Variants in MAZ observed in about 807,000 individuals in gnomAD.
MAZ encodes the protein MYC associated zinc finger protein.
Under a neutral mutation model 32.7 loss-of-function variants are expected in MAZ, and 4 were observed. That is an observed-to-expected ratio of 0.12 (90% confidence interval 0.06 to 0.28). The LOEUF (loss-of-function observed/expected upper bound fraction) is 0.28. Ranked by LOEUF, MAZ falls within the 10% of genes least tolerant of loss-of-function variation. The pLI, the probability that MAZ is intolerant of heterozygous loss-of-function variation, is 1.00. For synonymous variants in MAZ, 510 were observed against 297.6 expected (o/e 1.71, Z -7.35); for missense variants, 763 against 667.2 (o/e 1.14, Z -1.58).
intron 3 of MAZ, 44 bp downstream of exon 3, chr16:29,808,337 T>C (rs777413634): frequency 6.4e-6 from 10 of 1,572,526 alleles, no homozygotes; most frequent in Non-Finnish European, 6.1e-6. Flanking sequence ...ATGATTTTGA[T>C]CCTCATGGTA....
Position 29,807,382 on chromosome 16 carries a change from C to T in MAZ, c.597C>T (p.Phe199=), listed in dbSNP as rs756701023. ...TCTGCGCTCTGTGCGCCAAGGAGTTCAAGAACGGCTACAATCTCCGGAGGC... is the reference window on the plus strand; with the variant it reads ...TCTGCGCTCTGTGCGCCAAGGAGTTTAAGAACGGCTACAATCTCCGGAGGC... ...PYICALCAKE[F]KNGYNLRRHE... is the part of the protein sequence containing the mutation. Residue 199 remains phenylalanine (F), a synonymous_variant, in exon 2 of 5, where the codon TTC becomes TTT. Transcript: ENST00000322945. 2 of 1,612,318 alleles carry T rather than the reference C, an allele frequency of 1.2e-6. No individual in the cohort carries two copies. The highest frequency in any genetic ancestry group is 1.3e-5 in the African/African-American group (1 of 74,912).
chr16:29,807,195 C>G lies in MAZ; in HGVS notation c.410C>G (p.Pro137Arg). The change falls in exon 2 of 5, where the codon CCC becomes CGC. Residue 137 changes from proline to arginine, a missense_variant. Physicochemically the swap from Pro to Arg is moderately radical, Grantham distance 103. Coordinates refer to ENST00000322945, the MANE Select transcript of MAZ (RefSeq NM_002383.4). Reference protein sequence around the residue: ...LKQPPAPPPPPPPVSAPAAEA... With the variant: ...LKQPPAPPPPRPPVSAPAAEA... ...CAGCCTCCGGCGCCCCCTCCGCCAC[C>G]CCCGCCAGTGTCGGCGCCCGCGGCC... is the stretch of plus-strand genomic sequence containing the variant. The G allele has an allele frequency of 8.4e-7, 1 of 1,190,442 alleles. No homozygotes were observed. Among genetic ancestry groups the G allele is most frequent in the South Asian group, 3.6e-5 (1 of 28,056 alleles). 73.7% of individuals were successfully genotyped at this position (1,190,442 alleles called of 1,614,324 possible).
chr16:29,807,574 TGGCGTG>T lies in MAZ; in HGVS notation c.791_796del (p.Gly264_Val265del). On this transcript the variant is annotated inframe_deletion, in exon 2 of 5. Transcript: ENST00000322945. Reference sequence around the variant, plus strand: ...GCGGCGCTGCCGCAGTGGCCGCCGGTGGCGTGGTGACCACGACCGCCTCGGGGAAGC... The same window carrying T: ...GCGGCGCTGCCGCAGTGGCCGCCGGTGTGACCACGACCGCCTCGGGGAAGC... The T allele has an allele frequency of 6.2e-7, 1 of 1,606,824 alleles. No individual in the cohort carries two copies. The highest frequency in any genetic ancestry group is 8.5e-7 in the Non-Finnish European group (1 of 1,177,484).
chr16:29,808,170 G>C (rs752496054), intron 2 of MAZ, 60 bp from the exon 3 acceptor site: 42 of 1,437,666 alleles, frequency 2.9e-5, no homozygotes, highest in Non-Finnish European at 4.1e-5. Flanking sequence ...CCTGTGGTGC[G>C]GTTTGGTGGA....
chr16:29,810,496 G>C lies in MAZ; in HGVS notation c.*265G>C. ...CCCTGGACAGTGGGCAGGGGTGGCA[G>C]AGGACACGAGCAGCCACTGCCCGTA... On this transcript the variant is annotated 3_prime_UTR_variant, in exon 5 of 5. Transcript: ENST00000322945. The C allele has an allele frequency of 1.4e-6, 1 of 702,384 alleles. No homozygotes were observed. Among genetic ancestry groups the C allele is most frequent in the African/African-American group, 1.7e-5 (1 of 57,318 alleles). 43.5% of individuals were successfully genotyped at this position (702,384 alleles called of 1,614,324 possible).
At position 29,806,762 on chromosome 16, in the gene MAZ, TC is replaced by T; in HGVS notation, c.64del (p.Arg22GlyfsTer7). On this transcript the variant is annotated frameshift_variant, in exon 1 of 5. Transcript: ENST00000322945. LOFTEE classifies it high-confidence loss of function. The part of the protein sequence containing the change: ...APPFPVLGLD[S>X]RGVGGLMNSF... ...CCCCTTCCCCGTGCTGGGCCTGGACTCCCGGGGGGTGGGCGGCCTCATGAAC... is the reference window on the plus strand; with the variant it reads ...CCCCTTCCCCGTGCTGGGCCTGGACTCCGGGGGGTGGGCGGCCTCATGAAC... The T allele has an allele frequency of 7.0e-7, 1 of 1,431,156 alleles. No individual in the cohort carries two copies. The highest frequency in any genetic ancestry group is 9.2e-7 in the Non-Finnish European group (1 of 1,083,564). 88.7% of individuals were successfully genotyped at this position (1,431,156 alleles called of 1,614,324 possible). A position where few individuals can be genotyped will look rare whatever the true frequency, so the allele number is the denominator to read the frequency against.
At chr16:29,806,522 A>C, upstream of MAZ, 7 of 614,422 alleles carry the variant, frequency 1.1e-5, no homozygotes, top group East Asian at 1.8e-4. Context: ...GCGGCCCGCA[A>C]GGCGCCCTCT....
In MAZ at chr16:29,810,994, C is replaced by G. The variant is rs754413025; in HGVS notation, c.*763C>G. On this transcript the variant is annotated 3_prime_UTR_variant, in exon 5 of 5. Transcript: ENST00000322945. ...AATGCAGCCAGTGTCCCCCTCCCCT[C>G]TTCCACCCCAGCTCCAGCCCTGGTC... 1 of 446,642 alleles carries G rather than the reference C, an allele frequency of 2.2e-6. No individual in the cohort carries two copies. Among genetic ancestry groups the G allele is most frequent in the African/African-American group, 2.0e-5 (1 of 49,818 alleles). 27.7% of individuals were successfully genotyped at this position (446,642 alleles called of 1,614,324 possible).
chr16:29,806,882 A>G lies in MAZ; in HGVS notation c.181A>G (p.Ser61Gly). Residue 61 changes from serine to glycine, a missense_variant, in exon 1 of 5, where the codon AGT becomes GGT. Coordinates refer to ENST00000322945, the MANE Select transcript of MAZ (RefSeq NM_002383.4). ...CTTTGCCTCCCAGGGCTGCGCCCAG[A>G]GTCCATTCCAGGTGAGTAGGGCCGG... is the stretch of plus-strand genomic sequence containing the variant. ...RFFASQGCAQ[S>G]PFQAAPAPPP... 2.9e-6 allele frequency: 4 copies of G among 1,398,546 alleles called. 1 individual carries two copies. Among genetic ancestry groups the G allele is most frequent in the South Asian group, 2.7e-5 (2 of 73,998 alleles). 86.6% of individuals were successfully genotyped at this position (1,398,546 alleles called of 1,614,324 possible).
At chr16:29,809,182 C>T (rs567907592) in intron 4 of MAZ, 3 of 494,926 alleles carry the variant, frequency 6.1e-6, no homozygotes, top group South Asian at 2.9e-5. Context: ...CACCGGTTAA[C>T]TGGGTTGAGA....
In MAZ at chr16:29,808,579, G is replaced by A. The variant is rs1164072116; in HGVS notation, c.1117G>A (p.Ala373Thr). 6.2e-7 allele frequency: 1 copy of A among 1,611,200 alleles called. No individual in the cohort carries two copies. Among genetic ancestry groups the A allele is most frequent in the Admixed American group, 1.7e-5 (1 of 59,664 alleles). ...ERPFKCEKCE[A>T]AFATKDRLRA... ...CCTCCCCCCTCCTCAGAAATGTGAGGCAGCTTTCGCCACGAAGGATCGGCT... is the reference window on the plus strand; with the variant it reads ...CCTCCCCCCTCCTCAGAAATGTGAGACAGCTTTCGCCACGAAGGATCGGCT... Residue 373 changes from alanine to threonine, a missense_variant, in exon 4 of 5, where the codon GCA becomes ACA. Physicochemically the swap from Ala to Thr is moderately conservative, Grantham distance 58 (BLOSUM62 0). Coordinates refer to ENST00000322945, the MANE Select transcript of MAZ (RefSeq NM_002383.4).
intron 4 of MAZ, chr16:29,809,237 G>A: frequency 1.9e-6 from 1 of 530,054 alleles, no homozygotes; most frequent in Non-Finnish European, 3.3e-6. Context: ...CTCTGCTGAG[G>A]GTCAACCCTG....
rs569174270 is a variant in MAZ at position 29,811,055 on chromosome 16, G to T, written c.*824G>T. 1 of 455,232 alleles carries T rather than the reference G, an allele frequency of 2.2e-6. No individual in the cohort carries two copies. Among genetic ancestry groups the T allele is most frequent in the East Asian group, 7.0e-5 (1 of 14,370 alleles). The allele number at this position is 455,232 out of a possible 1,614,324, so 28.2% of individuals were successfully genotyped here. A position where few individuals can be genotyped will look rare whatever the true frequency, so the allele number is the denominator to read the frequency against. On this transcript the variant is annotated 3_prime_UTR_variant, in exon 5 of 5. Transcript: ENST00000322945. ...ATCCCTCTTCCCCACGACAGAAGAAGTTGTGGCCCTGGCCATGTCATCGTG... is the reference window on the plus strand; with the variant it reads ...ATCCCTCTTCCCCACGACAGAAGAATTTGTGGCCCTGGCCATGTCATCGTG...
chr16:29,808,200 G>A (rs745769789), intron 2 of MAZ, 30 bp from the exon 3 acceptor site: 37 of 1,603,854 alleles, frequency 2.3e-5, no homozygotes, highest in Non-Finnish European at 3.1e-5. Flanking sequence ...CACCACCTCC[G>A]CCCTAACCCC....
chr16:29,808,034 A>C, intron 2 of MAZ, 196 bp from the exon 3 acceptor site: 1 of 1,104,732 alleles, frequency 9.1e-7, no homozygotes, highest in Non-Finnish European at 1.3e-6. Context: ...GGGTTGACGG[A>C]AGCTTCGCGT....
chr16:29,807,194 C>T lies in MAZ; in HGVS notation c.409C>T (p.Pro137Ser). ...GCAGCCTCCGGCGCCCCCTCCGCCA[C>T]CCCCGCCAGTGTCGGCGCCCGCGGC... The part of the protein sequence containing the change: ...LKQPPAPPPP[P>S]PPVSAPAAEA... Residue 137 changes from proline (P) to serine (S), a missense_variant, in exon 2 of 5, where the codon CCC (proline) becomes TCC (serine). Coordinates refer to ENST00000322945, the MANE Select transcript of MAZ (RefSeq NM_002383.4). The T allele has an allele frequency of 8.5e-7, 1 of 1,180,228 alleles. No individual in the cohort carries two copies. The highest frequency in any genetic ancestry group is 1.1e-6 in the Non-Finnish European group (1 of 938,338). 73.1% of individuals were successfully genotyped at this position (1,180,228 alleles called of 1,614,324 possible). A position where few individuals can be genotyped will look rare whatever the true frequency, so the allele number is the denominator to read the frequency against.
chr16:29,809,434 A>T (rs1301542000), intron 4 of MAZ: 5 of 723,932 alleles, frequency 6.9e-6, no homozygotes, highest in African/African-American at 1.8e-5. Flanking sequence ...CCGTGGGAGG[A>T]GGACAGGGCC....
At chr16:29,806,173 T>A, upstream of MAZ, 1 of 1,040,574 alleles carries the variant, frequency 9.6e-7, no homozygotes, top group Non-Finnish European at 1.3e-6. Flanking sequence ...AGCAGCTTCA[T>A]CTTCCAGGTA....
At position 29,810,479 on chromosome 16, in the gene MAZ, A is replaced by AGT. The variant is rs1287623965; in HGVS notation, c.*250_*251dup. 4.3e-6 allele frequency: 3 copies of AGT among 704,432 alleles called. No individual in the cohort carries two copies. The highest frequency in any genetic ancestry group is 7.8e-6 in the Non-Finnish European group (3 of 386,960). 43.6% of individuals were successfully genotyped at this position (704,432 alleles called of 1,614,324 possible). A position where few individuals can be genotyped will look rare whatever the true frequency, so the allele number is the denominator to read the frequency against. ...TCGGTTGTGTTGAAGTCCCCTGGAC[A>AGT]GTGGGCAGGGGTGGCAGAGGACACG... On this transcript the variant is annotated 3_prime_UTR_variant, in exon 5 of 5. Coordinates refer to ENST00000322945, the MANE Select transcript of MAZ (RefSeq NM_002383.4).
Sources: allele counts gnomAD v4.1 joint callset, GRCh38; gene constraint gnomAD v4.1.1; transcripts MANE v1.5; gene names NCBI Gene and HGNC (gene_info 2026-07-23, HGNC 2026-07-21).